CYP3A5: variants seen among roughly 807,000 people sequenced by gnomAD.
CYP3A5 encodes the protein cytochrome P450 3A5.
CYP3A5 carries 51 observed loss-of-function variants against 55.9 expected under a neutral mutation model. That is an observed-to-expected ratio of 0.91 (90% CI 0.73 to 1.15). The LOEUF (loss-of-function observed/expected upper bound fraction) is 1.15. Among genes scored for constraint, CYP3A5 ranks in the 50% most tolerant of loss-of-function variants. The probability of loss-of-function intolerance (pLI) is 0.00; values close to 1 mark genes in which losing one functional copy is unlikely to be tolerated. For synonymous variants in CYP3A5, 196 were observed against 213.9 expected (o/e 0.92, Z 0.73); for missense variants, 533 against 596.6 (o/e 0.89, Z 1.11).
In CYP3A5 at chr7:99,653,953, C is replaced by T. The variant is rs1463404813; in HGVS notation, c.1027-1174G>A. ...GTGTGGGGAGAGCTGAGTCAGCCTCCATCGCGCCCCCAGGGCCAGGCTACC... is the reference window on the plus strand; with the variant it reads ...GTGTGGGGAGAGCTGAGTCAGCCTCTATCGCGCCCCCAGGGCCAGGCTACC... On this transcript the variant is annotated intron_variant, in intron 10 of 12. Transcript: ENST00000222982. This position sits in a 1 kb window ranked among gnomAD's most constrained non-coding sequence, Gnocchi z 4.2. 6.6e-6 allele frequency among the ~76,000 whole-genome samples: 1 copy of T among 152,206 alleles called. No homozygotes were observed. The highest frequency in any genetic ancestry group is 1.5e-5 in the Non-Finnish European group (1 of 68,030).
intron 10 of CYP3A5, 82 bp downstream of exon 10, chr7:99,660,417 A>G: frequency 1.3e-6 from 2 of 1,494,136 alleles, no homozygotes. Flanking sequence ...GCTTTTTATA[A>G]AAATTCTCCT....
intron 7 of CYP3A5, 77 bp from the exon 8 acceptor site, chr7:99,664,172 A>T (rs922428488): frequency 8.5e-7 from 1 of 1,172,072 alleles, no homozygotes; most frequent in Non-Finnish European, 1.2e-6. Context: ...AATTTTCTCT[A>T]CCAGTAATAA....
intron 3 of CYP3A5, 36 bp from the exon 4 acceptor site, chr7:99,672,715 A>G (rs1312036412): frequency 8.1e-6 from 13 of 1,612,324 alleles, no homozygotes; most frequent in Non-Finnish European, 1.1e-5. Flanking sequence ...AAACTTCACT[A>G]GCCCGATTCT....
At position 99,676,115 on chromosome 7, in the gene CYP3A5, C is replaced by T; in HGVS notation, c.165G>A (p.Gln55=). 6.2e-7 allele frequency: 1 copy of T among 1,613,368 alleles called. No homozygotes were observed. The highest frequency in any genetic ancestry group is 8.5e-7 in the Non-Finnish European group (1 of 1,179,622). ...AAAAGAGGAAGCTCAAGCAACTCAC[C>T]TGACGATAGGACAAAACATTTCCCA... ...PLLGNVLSYR[Q]GLWKFDTECY... is the part of the protein sequence containing the mutation. Residue 55 remains glutamine, a splice_region_variant and synonymous_variant, in exon 2 of 13, where the codon CAG becomes CAA. Coordinates refer to ENST00000222982, the MANE Select transcript of CYP3A5 (RefSeq NM_000777.5).
chr7:99,671,003 C>G (rs1811555987), intron 4 of CYP3A5: 1 of 151,998 alleles, frequency 6.6e-6, no homozygotes, highest in South Asian at 2.1e-4. Flanking sequence ...GGAACCTGTT[C>G]AATGATTTTG....
intron 4 of CYP3A5, among the ~76,000 whole-genome samples, chr7:99,669,993 A>G (rs1254370775): frequency 1.3e-5 from 2 of 152,204 alleles, no homozygotes; most frequent in Non-Finnish European, 2.9e-5. Flanking sequence ...AAAAGTAGAT[A>G]ACGTCATGCA....
chr7:99,676,505 T>A, intron 1 of CYP3A5: 1 of 1,385,490 alleles, frequency 7.2e-7, no homozygotes, highest in Non-Finnish European at 9.6e-7. Context: ...CAGGCAGGAA[T>A]TCTTCCAGGA....
chr7:99,662,810 G>C lies in CYP3A5; in HGVS notation c.865+6C>G. ...CCAGTAGCCCTCAGAAGCACTCCTT[G>C]GTTACCTTTGTGGGACTCAGTTTCT... On this transcript the variant is annotated splice_donor_region_variant and intron_variant, in intron 9 of 12. Transcript: ENST00000222982. The surrounding 1 kb of genome is among the most constrained non-coding windows in gnomAD (Gnocchi z 4.3). 6.2e-7 allele frequency: 1 copy of C among 1,613,258 alleles called. No individual in the cohort carries two copies.
chr7:99,672,888 G>T (rs889327370), intron 3 of CYP3A5: 3 of 1,375,240 alleles, frequency 2.2e-6, no homozygotes, highest in Non-Finnish European at 2.8e-6. Context: ...ATGATGAAGG[G>T]TAATGTGGTC....
Position 99,677,495 on chromosome 7 carries a change from C to T in CYP3A5, c.72-1287G>A, listed in dbSNP as rs568047592. Among the ~76,000 whole-genome samples, 10 of 152,300 alleles carry T rather than the reference C, an allele frequency of 6.6e-5. No individual in the cohort carries two copies. In the South Asian group the frequency reaches 1.9e-3, roughly 28 times the overall value. On this transcript the variant is annotated intron_variant, in intron 1 of 12. Coordinates refer to ENST00000222982, the MANE Select transcript of CYP3A5 (RefSeq NM_000777.5). ...TATAAGATAAGTAATGATAAAACGT[C>T]CCGGAGAGTTGTATTAAGACCTTGT... is the stretch of plus-strand genomic sequence containing the variant.
At chr7:99,666,469 C>G (rs1811030671) in intron 6 of CYP3A5, 132 bp downstream of exon 6, 1 of 980,600 alleles carries the variant, frequency 1.0e-6, no homozygotes, top group Non-Finnish European at 1.6e-6. Context: ...TTAGGTGGCT[C>G]TTTGGAGTTG....
chr7:99,658,576 C>A (rs558407442), intron 10 of CYP3A5, among the ~76,000 whole-genome samples: 2 of 152,030 alleles, frequency 1.3e-5, no homozygotes, highest in African/African-American at 2.4e-5. Context: ...TTGCTCTTCT[C>A]GAGGAGTATC....
At chr7:99,660,725 A>G in intron 9 of CYP3A5, 66 bp from the exon 10 acceptor site, 1 of 1,564,790 alleles carries the variant, frequency 6.4e-7, no homozygotes, top group African/African-American at 1.4e-5. Context: ...CTTAGATGAA[A>G]TCTAAGTGAA....
At position 99,679,889 on chromosome 7, in the gene CYP3A5, A is replaced by C; in HGVS notation, c.8T>G (p.Leu3Arg). Reference protein sequence around the residue: MDLIPNLAVETWL... With the variant: MDRIPNLAVETWL... ...GGTTTCCACCGCCAAATTTGGGATGAGGTCCATCGCCACTTTCCTTCTTCA... is the reference window on the plus strand; with the variant it reads ...GGTTTCCACCGCCAAATTTGGGATGCGGTCCATCGCCACTTTCCTTCTTCA... The change falls in exon 1 of 13, where the codon CTC becomes CGC. Residue 3 changes from leucine to arginine, a missense_variant. By Grantham distance (102) the Leu-to-Arg change is moderately radical. Transcript: ENST00000222982. 2 of 1,614,060 alleles carry C rather than the reference A, an allele frequency of 1.2e-6. No homozygotes were observed. Among genetic ancestry groups the C allele is most frequent in the Non-Finnish European group, 1.7e-6 (2 of 1,179,922 alleles).
Position 99,672,446 on chromosome 7 carries a change from G to A in CYP3A5, c.318+134C>T, listed in dbSNP as rs1482923474. On this transcript the variant is annotated intron_variant, in intron 4 of 12. Coordinates refer to ENST00000222982, the MANE Select transcript of CYP3A5 (RefSeq NM_000777.5). ...AGATTGCAAGATGTTACCACTGGGC[G>A]GGACAGGATGAAGAGTACATGGAAC... 3.4e-5 allele frequency: 24 copies of A among 708,874 alleles called. 1 individual carries two copies. In the East Asian group the frequency reaches 4.5e-4, roughly 13 times the overall value. The allele number at this position is 708,874 out of a possible 1,614,324, so 43.9% of individuals were successfully genotyped here. A position where few individuals can be genotyped will look rare whatever the true frequency, so the allele number is the denominator to read the frequency against.
At chr7:99,675,113 GA>G (rs28365068) in intron 2 of CYP3A5, among the ~76,000 whole-genome samples, 142 of 152,346 alleles carry the variant, frequency 9.3e-4, no homozygotes, top group Non-Finnish European at 1.7e-3. Context: ...GCATGTTGTT[GA>G]GTGAGAAAGT....
rs1256060026 is a variant in CYP3A5, at chr7:99,677,288, G to T, written c.72-1080C>A. 3 of 978,782 alleles carry T rather than the reference G, an allele frequency of 3.1e-6. No individual in the cohort carries two copies. The African/African-American group carries it at 5.3e-5, about 17-fold the overall frequency. The allele number at this position is 978,782 out of a possible 1,614,324, so 60.6% of individuals were successfully genotyped here. ...GAAGAGGTTGCCAGACACTGATTCA[G>T]CTGTGAAGCTGCTAGCCCCACACAG... On this transcript the variant is annotated intron_variant, in intron 1 of 12. Coordinates refer to ENST00000222982, the MANE Select transcript of CYP3A5 (RefSeq NM_000777.5).
chr7:99,677,880 A>T (rs1466194321), intron 1 of CYP3A5, among the ~76,000 whole-genome samples: 1 of 152,176 alleles, frequency 6.6e-6, no homozygotes, highest in Admixed American at 6.5e-5. Context: ...TTAATGTGTC[A>T]GCAGCATTGG....
intron 4 of CYP3A5, among the ~76,000 whole-genome samples, chr7:99,669,035 T>C (rs1811318488): frequency 6.6e-6 from 1 of 152,254 alleles, no homozygotes; most frequent in African/African-American, 2.4e-5. Context: ...TTCCTATCTG[T>C]TAATTTCCAT....
Sources: gnomAD v4.1 joint callset for allele counts (sites outside exome capture counted in the v4.1 genomes callset) on GRCh38, gnomAD v4.1.1 for gene constraint, Gnocchi (gnomAD v3.1) non-coding constraint, MANE v1.5 for transcripts, NCBI Gene and HGNC (gene_info 2026-07-23, HGNC 2026-07-21) for gene names.